SP100: variants seen among roughly 807,000 people sequenced by gnomAD.
SP100 encodes the protein nuclear autoantigen Sp-100.
In SP100, 84 loss-of-function variants were observed where a neutral mutation model predicts 130.0. The observed-to-expected ratio is 0.65, with a 90% CI of 0.54 to 0.77. SP100 has a LOEUF of 0.77. SP100 is among the 30% of genes least tolerant of loss of function. The pLI is 0.00. For missense variants in SP100, 978 were observed against 1,052.2 expected (o/e 0.93, Z 0.97); for synonymous variants, 331 against 351.7 (o/e 0.94, Z 0.66).
chr2:230,543,380 C>G lies in SP100; in HGVS notation c.*434C>G, dbSNP rs836238. On this transcript the variant is annotated 3_prime_UTR_variant, in exon 29 of 29. Transcript: ENST00000340126. ...GGAAGTCAAACTATCCCTGTTTGCA[C>G]ACAACATTGATTCTATATCTAGAAA... 120,183 of 152,412 alleles carry G rather than the reference C, an allele frequency of 0.79. 48,158 individuals carry two copies. The highest frequency in any genetic ancestry group is 0.91 in the Middle Eastern group (269 of 294). The allele number at this position is 152,412 out of a possible 1,614,324, so 9.4% of individuals were successfully genotyped here.
At chr2:230,526,316 A>T (rs146444643) in intron 24 of SP100, among the ~76,000 whole-genome samples, 1,982 of 152,338 alleles carry the variant, frequency 0.013, 38 homozygotes, top group African/African-American at 0.046. Flanking sequence ...CCTGCAGCTG[A>T]GGGGTCTGAC....
In SP100 at chr2:230,543,584, A is replaced by G. The variant is rs907087070; in HGVS notation, c.*638A>G. 3.3e-5 allele frequency: 5 copies of G among 152,238 alleles called. No individual in the cohort carries two copies. Among genetic ancestry groups the G allele is most frequent in the African/African-American group, 1.2e-4 (5 of 41,450 alleles). The allele number at this position is 152,238 out of a possible 1,614,324, so 9.4% of individuals were successfully genotyped here. On this transcript the variant is annotated 3_prime_UTR_variant, in exon 29 of 29. Transcript: ENST00000340126. ...TTGCCACTAAAAGAATAAAATACCT[A>G]GGAATACAGCTAATCAGGGAGGTGA...
chr2:230,511,379 T>C lies in SP100; in HGVS notation c.2094+213T>C, dbSNP rs566575067. On this transcript the variant is annotated intron_variant, in intron 24 of 28. Transcript: ENST00000340126. The stretch of plus-strand genomic sequence containing the variant: ...TTTCAGTAGAAATCTTCAAATTTCC[T>C]CATTTCCCTTAGAAAGTGAGTATAG... 1.8e-4 allele frequency among the ~76,000 whole-genome samples: 27 copies of C among 152,318 alleles called. No individual in the cohort carries two copies. In the South Asian group the frequency reaches 5.2e-3, roughly 29 times the overall value.
intron 19 of SP100, among the ~76,000 whole-genome samples, chr2:230,501,532 C>T (rs1352251439): frequency 6.6e-6 from 1 of 152,104 alleles, no homozygotes; most frequent in Non-Finnish European, 1.5e-5. Flanking sequence ...ATGACAGAGG[C>T]CCAGAAAATA....
intron 15 of SP100, 139 bp from the exon 16 acceptor site, chr2:230,473,185 C>G: frequency 1.8e-6 from 1 of 571,274 alleles, no homozygotes; most frequent in Non-Finnish European, 3.2e-6. Context: ...TGAGGAACCA[C>G]AAAAGAAAAA....
chr2:230,416,651 C>G (rs571077644), intron 1 of SP100: 336 of 732,708 alleles, frequency 4.6e-4, no homozygotes, highest in East Asian at 1.1e-3. Context: ...ATCTGTGAAC[C>G]CTTTCACCCC....
intron 24 of SP100, among the ~76,000 whole-genome samples, chr2:230,530,003 C>T (rs1380202280): frequency 6.6e-6 from 1 of 152,136 alleles, no homozygotes; most frequent in Non-Finnish European, 1.5e-5. Context: ...GGCCATACTG[C>T]CCAAGGTAAT....
Position 230,542,964 on chromosome 2 carries a change from C to A in SP100, c.*18C>A. On this transcript the variant is annotated 3_prime_UTR_variant, in exon 29 of 29. Transcript: ENST00000340126. ...TTATTTAGCCATTCTTATCTCCTCC[C>A]TTCAGATCCTCTGGCAGCTAGCTAC... is the stretch of plus-strand genomic sequence containing the variant. 2 of 1,356,644 alleles carry A rather than the reference C, an allele frequency of 1.5e-6. No individual in the cohort carries two copies. Among genetic ancestry groups the A allele is most frequent in the South Asian group, 2.4e-5 (2 of 84,038 alleles). 84.0% of individuals were successfully genotyped at this position (1,356,644 alleles called of 1,614,324 possible).
At chr2:230,465,091 C>T (rs560498180) in intron 11 of SP100, among the ~76,000 whole-genome samples, 2 of 152,170 alleles carry the variant, frequency 1.3e-5, no homozygotes, top group Non-Finnish European at 2.9e-5. Context: ...CAAAAATTAG[C>T]CAGGCATGGT....
At chr2:230,428,728 C>T (rs540372514) in intron 2 of SP100, among the ~76,000 whole-genome samples, 1 of 151,790 alleles carries the variant, frequency 6.6e-6, no homozygotes, top group East Asian at 1.9e-4. Context: ...AGGCGTGAGC[C>T]ACCACGCCTG....
At chr2:230,495,861 C>T (rs1036391544) in intron 18 of SP100, among the ~76,000 whole-genome samples, 2 of 152,166 alleles carry the variant, frequency 1.3e-5, no homozygotes, top group East Asian at 1.9e-4. Flanking sequence ...AGCACTTTTT[C>T]CTCTAGAGCT....
At chr2:230,542,814 G>A (rs1422409883) in intron 28 of SP100, 22 bp from the exon 29 acceptor site, 2 of 1,472,564 alleles carry the variant, frequency 1.4e-6, no homozygotes, top group Non-Finnish European at 9.5e-7. Flanking sequence ...CTGCTATATT[G>A]TTTTTTTCTT....
At chr2:230,499,104 G>A (rs986484508) in intron 19 of SP100, among the ~76,000 whole-genome samples, 1 of 152,112 alleles carries the variant, frequency 6.6e-6, no homozygotes, top group African/African-American at 2.4e-5. Context: ...CTTGTAGACT[G>A]TGCCTCTTCC....
chr2:230,469,960 G>A, intron 14 of SP100, 55 bp from the exon 15 acceptor site: 2 of 1,562,488 alleles, frequency 1.3e-6, no homozygotes, highest in Non-Finnish European at 1.7e-6. Flanking sequence ...AGAATTCCCT[G>A]CTGATTCCTA....
At chr2:230,459,297 A>T (rs1298720057) in intron 8 of SP100, among the ~76,000 whole-genome samples, 1 of 152,144 alleles carries the variant, frequency 6.6e-6, no homozygotes, top group Non-Finnish European at 1.5e-5. Context: ...ACATTCTCTG[A>T]TCTGAGGAGA....
chr2:230,487,440 A>G (rs1020490297), intron 17 of SP100, among the ~76,000 whole-genome samples: 9 of 152,154 alleles, frequency 5.9e-5, no homozygotes, highest in African/African-American at 2.2e-4. Flanking sequence ...TCCCTTCCCC[A>G]TTACTTGTCT....
chr2:230,508,311 C>CTTT (rs10636838), intron 23 of SP100: 28,074 of 147,566 alleles, frequency 0.19, 2,666 homozygotes, highest in Non-Finnish European at 0.22. Flanking sequence ...AAATGCCATA[C>CTTT]TTTTTTTTTT....
chr2:230,497,738 C>G (rs1377849784), intron 18 of SP100, among the ~76,000 whole-genome samples: 1 of 152,124 alleles, frequency 6.6e-6, no homozygotes, highest in African/African-American at 2.4e-5. Flanking sequence ...TTTAATCAAC[C>G]CTTTGTTAGT....
At chr2:230,440,462 T>C in intron 2 of SP100, 1 of 1,008,418 alleles carries the variant, frequency 9.9e-7, no homozygotes, top group Non-Finnish European at 1.3e-6. Flanking sequence ...AAATTAAATT[T>C]TTTATTTCAA....
Sources: gnomAD v4.1 joint callset for allele counts (sites outside exome capture counted in the v4.1 genomes callset) on GRCh38, gnomAD v4.1.1 for gene constraint, MANE v1.5 for transcripts, NCBI Gene and HGNC (gene_info 2026-07-23, HGNC 2026-07-21) for gene names.